FGFR2: variants seen among roughly 807,000 people sequenced by gnomAD.
FGFR2 encodes BEK fibroblast growth factor receptor.
FGFR2 carries 19 observed loss-of-function variants against 95.9 expected under a neutral mutation model. The observed-to-expected ratio is 0.20, with a 90% CI of 0.14 to 0.29. The LOEUF is 0.29. Ranked by LOEUF, FGFR2 falls within the 10% of genes least tolerant of loss-of-function variation. The probability of loss-of-function intolerance (pLI) is 1.00; values close to 1 mark genes in which losing one functional copy is unlikely to be tolerated. For missense variants in FGFR2, 707 were observed against 1,056.9 expected, an observed-to-expected ratio of 0.67 and a Z score of 4.59; for synonymous variants, 392 against 393.3, an observed-to-expected ratio of 1.00 and a Z score of 0.04.
chr10:121,584,346 A>AC (rs1198230498), intron 2 of FGFR2, among the ~76,000 whole-genome samples: 1 of 146,672 alleles, frequency 6.8e-6, no homozygotes, highest in Non-Finnish European at 1.5e-5. Context: ...ACCGCACCCC[A>AC]CCCCAACCAA....
At chr10:121,570,725 AT>A (rs755428592) in intron 2 of FGFR2, among the ~76,000 whole-genome samples, 2 of 152,188 alleles carry the variant, frequency 1.3e-5, no homozygotes, top group Non-Finnish European at 2.9e-5. Flanking sequence ...GTTTCCATGT[AT>A]TTTTCACAAT....
intron 8 of FGFR2, among the ~76,000 whole-genome samples, chr10:121,516,484 T>TG (rs1461195354): frequency 2.0e-5 from 3 of 152,200 alleles, no homozygotes; most frequent in Non-Finnish European, 4.4e-5. Flanking sequence ...AAAATAAGCA[T>TG]GCAGGTAAGC....
chr10:121,498,695 C>A, intron 11 of FGFR2, 90 bp from the exon 12 acceptor site: 2 of 1,074,496 alleles, frequency 1.9e-6, no homozygotes, highest in South Asian at 2.5e-5. Flanking sequence ...GTTGAAACAG[C>A]ATGAAATTGA....
rs528633289 is a variant in FGFR2, at chr10:121,531,474, G to T, written c.748+7118C>A. ...GAAGTTTTGAAATCTCTATCCTGGAGGAAAGGACAGGACTGACCCCTCCTT... is the reference window on the plus strand; with the variant it reads ...GAAGTTTTGAAATCTCTATCCTGGATGAAAGGACAGGACTGACCCCTCCTT... On this transcript the variant is annotated intron_variant, in intron 6 of 17. Transcript: ENST00000358487. This position sits in a 1 kb window ranked among gnomAD's most constrained non-coding sequence, Gnocchi z 4.5. Among the ~76,000 whole-genome samples, 1 of 152,290 alleles carries T rather than the reference G, an allele frequency of 6.6e-6. No homozygotes were observed. The highest frequency in any genetic ancestry group is 6.5e-5 in the Admixed American group (1 of 15,298).
In FGFR2 at chr10:121,479,476, G is replaced by T; in HGVS notation, c.*381C>A. On this transcript the variant is annotated 3_prime_UTR_variant, in exon 18 of 18. Coordinates refer to ENST00000358487, the MANE Select transcript of FGFR2 (RefSeq NM_000141.5). ...ATTTGAATATATTTACATACATCCA[G>T]CACCTATATACTGCATTTGTGCTCT... is the stretch of plus-strand genomic sequence containing the variant. 1.6e-6 allele frequency: 1 copy of T among 632,020 alleles called. No homozygotes were observed. The highest frequency in any genetic ancestry group is 3.5e-5 in the Admixed American group (1 of 28,984). 39.2% of individuals were successfully genotyped at this position (632,020 alleles called of 1,614,324 possible).
chr10:121,596,569 C>T (rs1158589686), intron 1 of FGFR2: 1 of 200,936 alleles, frequency 5.0e-6, no homozygotes, highest in East Asian at 7.6e-5. Context: ...CTTAAGGCCT[C>T]CCTACTTCTC....
intron 9 of FGFR2, among the ~76,000 whole-genome samples, chr10:121,506,089 G>A (rs111296529): frequency 2.1e-4 from 32 of 152,208 alleles, no homozygotes; most frequent in African/African-American, 7.2e-4. Flanking sequence ...CAGGCGCGGT[G>A]GCTCACGCCG....
intron 10 of FGFR2, 77 bp downstream of exon 10, chr10:121,503,713 A>G (rs2134049818): frequency 1.3e-6 from 2 of 1,555,598 alleles, no homozygotes; most frequent in Non-Finnish European, 1.8e-6. Flanking sequence ...TAAGGGTCAT[A>G]AAAAGAAAAT....
chr10:121,532,136 C>T (rs1177461768), intron 6 of FGFR2, among the ~76,000 whole-genome samples: 2 of 152,164 alleles, frequency 1.3e-5, no homozygotes, highest in Non-Finnish European at 2.9e-5. Context: ...TCACTGGCAG[C>T]AAAGTCAGGA....
At chr10:121,506,201 A>T (rs1848242819) in intron 9 of FGFR2, among the ~76,000 whole-genome samples, 1 of 151,594 alleles carries the variant, frequency 6.6e-6, no homozygotes, top group South Asian at 2.1e-4. Context: ...TACTAAAAAT[A>T]AAAAAAATGA....
At chr10:121,528,455 T>C (rs1851672354) in intron 6 of FGFR2, among the ~76,000 whole-genome samples, 1 of 152,180 alleles carries the variant, frequency 6.6e-6, no homozygotes, top group South Asian at 2.1e-4. Flanking sequence ...GGGATGTCCA[T>C]TGTAAAAATG....
chr10:121,492,519 C>T (rs999271705), intron 13 of FGFR2, among the ~76,000 whole-genome samples: 4 of 152,130 alleles, frequency 2.6e-5, no homozygotes, highest in Admixed American at 1.3e-4. Flanking sequence ...ACATCAGTAA[C>T]GATGTAATCA....
Position 121,519,973 on chromosome 10 carries a change from C to G in FGFR2, c.939+6G>C, listed in dbSNP as rs1217471609. ...GTGGGTACCTTTAGATTCAGAAAGT[C>G]CTCACCTTGAGAACCTTGAGGTAGG... On this transcript the variant is annotated splice_donor_region_variant and intron_variant, in intron 7 of 17. Transcript: ENST00000358487. 1 of 1,614,142 alleles carries G rather than the reference C, an allele frequency of 6.2e-7. No individual in the cohort carries two copies. Among genetic ancestry groups the G allele is most frequent in the East Asian group, 2.2e-5 (1 of 44,880 alleles).
At chr10:121,568,130 G>C (rs1291458717) in intron 2 of FGFR2, among the ~76,000 whole-genome samples, 3 of 152,162 alleles carry the variant, frequency 2.0e-5, no homozygotes, top group African/African-American at 7.2e-5. Context: ...ATGAGAAGGA[G>C]GAGAAGACGG....
intron 11 of FGFR2, among the ~76,000 whole-genome samples, chr10:121,500,130 A>G (rs756830134): frequency 2.6e-5 from 4 of 152,248 alleles, no homozygotes; most frequent in Non-Finnish European, 4.4e-5. Flanking sequence ...TCTTCTCATA[A>G]AAGAATACTG....
intron 4 of FGFR2, among the ~76,000 whole-genome samples, chr10:121,557,794 A>G (rs947256486): frequency 7.9e-5 from 12 of 152,158 alleles, no homozygotes; most frequent in Non-Finnish European, 1.5e-4. Flanking sequence ...AATTAGAACA[A>G]AGGTGACTTT....
intron 2 of FGFR2, among the ~76,000 whole-genome samples, chr10:121,573,715 G>A (rs538019837): frequency 3.9e-5 from 6 of 152,172 alleles, no homozygotes; most frequent in East Asian, 3.9e-4. Context: ...GAGCACACCC[G>A]GGAGGCATGT....
intron 5 of FGFR2, 70 bp downstream of exon 5, chr10:121,551,220 A>T: frequency 8.6e-7 from 1 of 1,162,608 alleles, no homozygotes; most frequent in Non-Finnish European, 1.2e-6. Flanking sequence ...ACTCCATCGC[A>T]AAAAAAAAAT....
intron 6 of FGFR2, among the ~76,000 whole-genome samples, chr10:121,530,036 C>T (rs559943083): frequency 2.0e-5 from 3 of 152,168 alleles, no homozygotes; most frequent in South Asian, 2.1e-4. Context: ...ACAGCAACAC[C>T]GACACCCTTG....
Sources: allele counts gnomAD v4.1 joint callset (sites outside exome capture counted in the v4.1 genomes callset), GRCh38; gene constraint gnomAD v4.1.1; non-coding constraint Gnocchi (gnomAD v3.1); transcripts MANE v1.5; gene names NCBI Gene and HGNC (gene_info 2026-07-23, HGNC 2026-07-21).